GPC6: variants seen among roughly 807,000 people sequenced by gnomAD.
GPC6 encodes glypican-6.
GPC6 carries 14 observed loss-of-function variants against 55.2 expected under a neutral mutation model. The observed-to-expected ratio is 0.25, with a 90% CI of 0.17 to 0.40. GPC6 has a LOEUF of 0.40. GPC6 is among the 10% of genes least tolerant of loss of function. The pLI is 1.00. For missense variants in GPC6, 641 were observed against 708.5 expected (o/e 0.90, Z 1.08); for synonymous variants, 278 against 259.6 (o/e 1.07, Z -0.68).
At chr13:93,740,198 G>A (rs567181322) in intron 2 of GPC6, among the ~76,000 whole-genome samples, 16 of 114,096 alleles carry the variant, frequency 1.4e-4, no homozygotes, top group African/African-American at 6.5e-4. Context: ...GTTCTATGTC[G>A]TAAGGTCTAA....
chr13:93,557,364 A>G (rs1476803398), intron 2 of GPC6, among the ~76,000 whole-genome samples: 2 of 152,160 alleles, frequency 1.3e-5, no homozygotes, highest in Non-Finnish European at 2.9e-5. Context: ...AGCAATATAA[A>G]TCTGAAGATC....
intron 2 of GPC6, among the ~76,000 whole-genome samples, chr13:93,813,865 CAAAATT>C (rs1331865902): frequency 6.6e-6 from 1 of 151,592 alleles, no homozygotes; most frequent in Non-Finnish European, 1.5e-5. Context: ...ATTTAAGAAA[CAAAATT>C]AAATATAAAG....
intron 1 of GPC6, among the ~76,000 whole-genome samples, chr13:93,427,798 AC>A (rs1282121607): frequency 1.1e-4 from 17 of 152,316 alleles, no homozygotes; most frequent in Admixed American, 3.3e-4. Context: ...AAATGAGTGC[AC>A]GATGGTTGTG....
intron 4 of GPC6, among the ~76,000 whole-genome samples, chr13:94,204,148 G>A (rs1033810103): frequency 6.6e-6 from 1 of 152,032 alleles, no homozygotes; most frequent in Non-Finnish European, 1.5e-5. Flanking sequence ...AATAAAAAAA[G>A]AGGACAAAGA....
intron 1 of GPC6, among the ~76,000 whole-genome samples, chr13:93,393,152 A>AGT (rs1875707185): frequency 6.9e-6 from 1 of 145,470 alleles, no homozygotes; most frequent in Non-Finnish European, 1.5e-5. Flanking sequence ...AGAGAGAGAG[A>AGT]GAGAGAGTGA....
chr13:94,067,879 AAT>A (rs1884587316), intron 4 of GPC6, among the ~76,000 whole-genome samples: 1 of 152,192 alleles, frequency 6.6e-6, no homozygotes, highest in Non-Finnish European at 1.5e-5. Flanking sequence ...GATACTAATG[AAT>A]ATGCTTAAAT....
In GPC6 at chr13:93,308,088, T is replaced by A. The variant is rs1878935326; in HGVS notation, c.160+80472T>A. On this transcript the variant is annotated intron_variant, in intron 1 of 8. Transcript: ENST00000377047. The stretch of plus-strand genomic sequence containing the variant: ...TCACGAAGTCAGGAGATCGAGACCA[T>A]CCTGGCTAACATGGTGAAACCCCGT... 2.0e-5 allele frequency among the ~76,000 whole-genome samples: 3 copies of A among 151,934 alleles called. No individual in the cohort carries two copies. In the South Asian group the frequency reaches 6.2e-4, roughly 31 times the overall value.
chr13:93,547,217 G>A (rs1437649999), intron 2 of GPC6, among the ~76,000 whole-genome samples: 1 of 151,172 alleles, frequency 6.6e-6, no homozygotes, highest in African/African-American at 2.4e-5. Context: ...GTGGTGCCAG[G>A]CGCCTGTAGT....
intron 1 of GPC6, among the ~76,000 whole-genome samples, chr13:93,457,833 TAA>T (rs142486530): frequency 6.7e-6 from 1 of 149,654 alleles, no homozygotes; most frequent in Non-Finnish European, 1.5e-5. Context: ...CGATCAATAT[TAA>T]AAAAAAAAGA....
At chr13:93,698,129 C>T (rs530967316) in intron 2 of GPC6, among the ~76,000 whole-genome samples, 1 of 152,270 alleles carries the variant, frequency 6.6e-6, no homozygotes, top group Non-Finnish European at 1.5e-5. Flanking sequence ...TCTTGGCTCT[C>T]ACAGTTTCTA....
At chr13:93,278,215 G>C (rs1877823604) in intron 1 of GPC6, among the ~76,000 whole-genome samples, 1 of 152,118 alleles carries the variant, frequency 6.6e-6, no homozygotes, top group Non-Finnish European at 1.5e-5. Context: ...CAGTGATTCA[G>C]TTTCATTGTG....
intron 4 of GPC6, among the ~76,000 whole-genome samples, chr13:94,207,506 T>C (rs1172001235): frequency 6.6e-6 from 1 of 152,192 alleles, no homozygotes; most frequent in Non-Finnish European, 1.5e-5. Flanking sequence ...AACTCCAAGA[T>C]ACAGTCACTT....
At chr13:93,350,301 G>T (rs1183915415) in intron 1 of GPC6, among the ~76,000 whole-genome samples, 2 of 152,040 alleles carry the variant, frequency 1.3e-5, no homozygotes, top group East Asian at 1.9e-4. Flanking sequence ...CAGGTGTGGT[G>T]GCGGGTGCTT....
At chr13:93,535,768 G>T (rs537885335) in intron 1 of GPC6, among the ~76,000 whole-genome samples, 1 of 150,862 alleles carries the variant, frequency 6.6e-6, no homozygotes, top group Admixed American at 6.6e-5. Flanking sequence ...AAGGAATATC[G>T]GCAGGCTCAG....
At chr13:93,944,451 G>C (rs191895531) in intron 3 of GPC6, among the ~76,000 whole-genome samples, 4,180 of 152,094 alleles carry the variant, frequency 0.027, 72 homozygotes, top group Middle Eastern at 0.058. Flanking sequence ...TGATCCGCCC[G>C]CCTCGGCCTC....
At chr13:93,539,707 T>A (rs1882211217) in intron 1 of GPC6, among the ~76,000 whole-genome samples, 2 of 151,444 alleles carry the variant, frequency 1.3e-5, no homozygotes, top group Non-Finnish European at 2.9e-5. Flanking sequence ...TTTTTTTTTT[T>A]TGAGACAGGG....
chr13:93,858,650 C>T (rs979696998), intron 3 of GPC6, among the ~76,000 whole-genome samples: 20 of 151,248 alleles, frequency 1.3e-4, no homozygotes, highest in Admixed American at 4.6e-4. Flanking sequence ...ACCTGTAGCA[C>T]GGAGGAGGGA....
intron 4 of GPC6, among the ~76,000 whole-genome samples, chr13:94,117,107 A>G (rs947273695): frequency 2.6e-5 from 4 of 152,080 alleles, no homozygotes; most frequent in Non-Finnish European, 5.9e-5. Context: ...CATAACAATC[A>G]TTGTTCCTTA....
intron 1 of GPC6, among the ~76,000 whole-genome samples, chr13:93,236,616 G>C (rs1178883565): frequency 1.3e-5 from 2 of 152,152 alleles, no homozygotes; most frequent in East Asian, 3.9e-4. Context: ...AGGGATGTAG[G>C]TTGCGTGCTC....
Sources: gnomAD v4.1 joint callset for allele counts (sites outside exome capture counted in the v4.1 genomes callset) on GRCh38, gnomAD v4.1.1 for gene constraint, MANE v1.5 for transcripts, NCBI Gene and HGNC (gene_info 2026-07-23, HGNC 2026-07-21) for gene names.